Variants in ATAD3C observed in about 807,000 individuals in gnomAD.
The protein encoded by ATAD3C is ATPase family AAA domain containing 3C.
ATAD3C carries 38 observed loss-of-function variants against 46.3 expected under a neutral mutation model. The ratio of observed to expected loss-of-function variants is 0.82; its 90% confidence interval spans 0.63 to 1.08. The LOEUF is 1.08. Ranked by LOEUF, ATAD3C falls within the 50% of genes least tolerant of loss-of-function variation. The pLI is 0.00. For synonymous variants in ATAD3C, 220 were observed against 236.4 expected (o/e 0.93, Z 0.63); for missense variants, 563 against 572.7 (o/e 0.98, Z 0.17).
In ATAD3C at chr1:1,455,934, A is replaced by C; in HGVS notation, c.564+18A>C. Reference sequence around the variant, plus strand: ...TTGCCAAGGTGAGAGTGCCTAGCTGAACAGGTGGGCCAGGGGCCGCTGGGG... The same window carrying C: ...TTGCCAAGGTGAGAGTGCCTAGCTGCACAGGTGGGCCAGGGGCCGCTGGGG... On this transcript the variant is annotated intron_variant, in intron 6 of 11. Coordinates refer to ENST00000378785, the MANE Select transcript of ATAD3C (RefSeq NM_001039211.3). 6.2e-7 allele frequency: 1 copy of C among 1,612,438 alleles called. No individual in the cohort carries two copies. The highest frequency in any genetic ancestry group is 8.5e-7 in the Non-Finnish European group (1 of 1,179,566).
chr1:1,467,023 C>T (rs1376060858), intron 11 of ATAD3C, among the ~76,000 whole-genome samples: 1 of 151,952 alleles, frequency 6.6e-6, no homozygotes, highest in East Asian at 1.9e-4. Flanking sequence ...TTTAGGTTCC[C>T]AGAAAAGTTG....
At chr1:1,457,092 T>G (rs1193936052) in intron 7 of ATAD3C, 37 bp from the exon 8 acceptor site, 1 of 1,612,150 alleles carries the variant, frequency 6.2e-7, no homozygotes, top group East Asian at 2.2e-5. Flanking sequence ...GCTCCTGGCA[T>G]CACTCTCACC....
At chr1:1,468,086 C>T (rs1038218035) in intron 11 of ATAD3C, among the ~76,000 whole-genome samples, 2 of 151,872 alleles carry the variant, frequency 1.3e-5, no homozygotes, top group African/African-American at 2.4e-5. Context: ...CAGTTCCCAC[C>T]TGCCTCTGGG....
intron 11 of ATAD3C, 146 bp from the exon 12 acceptor site, chr1:1,468,238 T>C (rs1233983911): frequency 2.9e-5 from 39 of 1,345,906 alleles, no homozygotes; most frequent in East Asian, 1.1e-4. Context: ...CGTGCTGGGC[T>C]CTGCCGAGGT....
In ATAD3C at chr1:1,455,835, G is replaced by C; in HGVS notation, c.483G>C (p.Arg161Ser). 1 of 1,613,522 alleles carries C rather than the reference G, an allele frequency of 6.2e-7. No homozygotes were observed. Among genetic ancestry groups the C allele is most frequent in the African/African-American group, 1.3e-5 (1 of 75,030 alleles). Residue 161 changes from arginine to serine, a missense_variant, in exon 6 of 12, where the codon AGG becomes AGC. By Grantham distance (110) the Arg-to-Ser change is moderately radical. Coordinates refer to ENST00000378785, the MANE Select transcript of ATAD3C (RefSeq NM_001039211.3). ...TGCGCGACATCGCCATAATGACAAG[G>C]AACATCAAGAAGAACCGGGGCCTGT... is the stretch of plus-strand genomic sequence containing the variant. The part of the protein sequence containing the change: ...ARVRDIAIMT[R>S]NIKKNRGLYR...
At position 1,462,988 on chromosome 1, in the gene ATAD3C, G is replaced by A. The variant is rs1018486735; in HGVS notation, c.1089+280G>A. On this transcript the variant is annotated intron_variant, in intron 11 of 11. Coordinates refer to ENST00000378785, the MANE Select transcript of ATAD3C (RefSeq NM_001039211.3). This position sits in a 1 kb window ranked among gnomAD's most constrained non-coding sequence, Gnocchi z 4.5. ...TAGCCCGGGCTCTGCCAGGTGGGGC[G>A]GGAGGCTTCTGATGCTCACCTTGGC... 2.0e-5 allele frequency among the ~76,000 whole-genome samples: 3 copies of A among 152,122 alleles called. No homozygotes were observed. The highest frequency in any genetic ancestry group is 1.9e-4 in the East Asian group (1 of 5,198).
intron 1 of ATAD3C, among the ~76,000 whole-genome samples, chr1:1,451,316 G>A (rs562609069): frequency 6.6e-5 from 10 of 151,220 alleles, no homozygotes; most frequent in East Asian, 3.9e-4. Context: ...GATTACAGGC[G>A]TGAGCCACCG....
Position 1,459,009 on chromosome 1 carries a change from G to A in ATAD3C, c.742-152G>A, listed in dbSNP as rs952757163. ...ATCCAGGTTACATTCGTGAGTCACC[G>A]CCCCTGGCCCTGGTCAGGCTTTTGA... is the stretch of plus-strand genomic sequence containing the variant. On this transcript the variant is annotated intron_variant, in intron 8 of 11. Coordinates refer to ENST00000378785, the MANE Select transcript of ATAD3C (RefSeq NM_001039211.3). This position sits in a 1 kb window ranked among gnomAD's most constrained non-coding sequence, Gnocchi z 4.9. 1.3e-5 allele frequency among the ~76,000 whole-genome samples: 2 copies of A among 151,896 alleles called. No individual in the cohort carries two copies. Among genetic ancestry groups the A allele is most frequent in the African/African-American group, 2.4e-5 (1 of 41,338 alleles).
intron 11 of ATAD3C, among the ~76,000 whole-genome samples, chr1:1,465,328 A>G (rs1442458978): frequency 6.6e-6 from 1 of 151,516 alleles, no homozygotes; most frequent in Non-Finnish European, 1.5e-5. Context: ...GCGGTGGCTC[A>G]TGCCTTTAAT....
intron 6 of ATAD3C, 133 bp downstream of exon 6, chr1:1,456,049 T>G: frequency 2.0e-6 from 3 of 1,492,382 alleles, no homozygotes; most frequent in Non-Finnish European, 2.7e-6. Flanking sequence ...AGGCTCAGGG[T>G]GCTGGTGTGG....
At chr1:1,460,022 CAG>C (rs745396712) in intron 9 of ATAD3C, among the ~76,000 whole-genome samples, 36,337 of 151,118 alleles carry the variant, frequency 0.24, 8,541 homozygotes, top group East Asian at 0.6. Context: ...GCTGAGCCTC[CAG>C]TGAACCCGGG....
At position 1,451,944 on chromosome 1, in the gene ATAD3C, G is replaced by A. The variant is rs931157250; in HGVS notation, c.76-102G>A. On this transcript the variant is annotated intron_variant, in intron 1 of 11. Transcript: ENST00000378785. Reference sequence around the variant, plus strand: ...CTGCAGGTCCCCAGGTGCCCGGGACGCTTGGAGCCCTGCGGTCCTGGGGCG... The same window carrying A: ...CTGCAGGTCCCCAGGTGCCCGGGACACTTGGAGCCCTGCGGTCCTGGGGCG... 5.9e-5 allele frequency: 90 copies of A among 1,519,994 alleles called. 3 individuals carry two copies. Among genetic ancestry groups the A allele is most frequent in the South Asian group, 5.2e-4 (42 of 80,044 alleles). 94.2% of individuals were successfully genotyped at this position (1,519,994 alleles called of 1,614,324 possible).
Position 1,450,737 on chromosome 1 carries a change from G to C in ATAD3C, c.54G>C (p.Leu18Phe), listed in dbSNP as rs1638840218. ...LAQMQEQTLQ[L>F]EQQSKLKQLV... ...AGATGCAGGAGCAGACGCTGCAGTT[G>C]GAGCAACAGTCCAAGCTCAAAGTGA... The change falls in exon 1 of 12, where the codon TTG becomes TTC. Residue 18 changes from leucine (L) to phenylalanine (F), a missense_variant. Physicochemically the swap from Leu to Phe is conservative, Grantham distance 22 (BLOSUM62 0). Coordinates refer to ENST00000378785, the MANE Select transcript of ATAD3C (RefSeq NM_001039211.3). The C allele has an allele frequency of 6.2e-7, 1 of 1,613,178 alleles. No individual in the cohort carries two copies. The highest frequency in any genetic ancestry group is 8.5e-7 in the Non-Finnish European group (1 of 1,179,584).
chr1:1,457,996 T>C (rs566548618), intron 8 of ATAD3C, among the ~76,000 whole-genome samples: 14 of 151,980 alleles, frequency 9.2e-5, no homozygotes, highest in African/African-American at 3.4e-4. Flanking sequence ...TTTATTTATT[T>C]GAGACAAAGT....
rs1164720451 is a variant in ATAD3C, at chr1:1,464,685, C to T, written c.1089+1977C>T. Among the ~76,000 whole-genome samples, 12 of 151,916 alleles carry T rather than the reference C, an allele frequency of 7.9e-5. No homozygotes were observed. The East Asian group carries it at 1.9e-3, about 24-fold the overall frequency. On this transcript the variant is annotated intron_variant, in intron 11 of 11. Coordinates refer to ENST00000378785, the MANE Select transcript of ATAD3C (RefSeq NM_001039211.3). Reference sequence around the variant, plus strand: ...ACTCAGGAGGCTGAGGCATGAGAATCACTTGAACCCTGGAGGCGGAGGTTC... The same window carrying T: ...ACTCAGGAGGCTGAGGCATGAGAATTACTTGAACCCTGGAGGCGGAGGTTC...
At chr1:1,452,255 C>A (rs967257003) in intron 2 of ATAD3C, 110 bp from the exon 3 acceptor site, 19 of 1,587,308 alleles carry the variant, frequency 1.2e-5, no homozygotes, top group Non-Finnish European at 1.6e-5. Flanking sequence ...CACTGCCCCC[C>A]TGTCCTGGCA....
Position 1,456,150 on chromosome 1 carries a change from C to T in ATAD3C, c.565-75C>T, listed in dbSNP as rs1638957296. On this transcript the variant is annotated intron_variant, in intron 6 of 11. Coordinates refer to ENST00000378785, the MANE Select transcript of ATAD3C (RefSeq NM_001039211.3). ...AGGGACGCTGGGCAGAGCCTCCACA[C>T]TCCGGGTGGAGTGTGCAGGCTTTGC... 142 of 1,541,708 alleles carry T rather than the reference C, an allele frequency of 9.2e-5. 8 individuals carry two copies. The highest frequency in any genetic ancestry group is 1.2e-4 in the Non-Finnish European group (141 of 1,153,606).
At position 1,459,479 on chromosome 1, in the gene ATAD3C, C is replaced by T. The variant is rs557372840; in HGVS notation, c.812+248C>T. 1.2e-4 allele frequency among the ~76,000 whole-genome samples: 19 copies of T among 152,030 alleles called. No individual in the cohort carries two copies. The highest frequency in any genetic ancestry group is 5.8e-4 in the East Asian group (3 of 5,180). On this transcript the variant is annotated intron_variant, in intron 9 of 11. Transcript: ENST00000378785. This position sits in a 1 kb window ranked among gnomAD's most constrained non-coding sequence, Gnocchi z 4.9. ...CTGTCCTCACGGCCCTGTGCACCGC[C>T]GCCCCAGCTTGCAGGTCCCTCTGCC... is the stretch of plus-strand genomic sequence containing the variant.
intron 8 of ATAD3C, among the ~76,000 whole-genome samples, chr1:1,458,733 T>G (rs1557779142): frequency 6.6e-6 from 1 of 150,720 alleles, no homozygotes; most frequent in Non-Finnish European, 1.5e-5. Context: ...AGGGTTTGTT[T>G]TTTTTTTTTG....
Sources: gnomAD v4.1 joint callset for allele counts (sites outside exome capture counted in the v4.1 genomes callset) on GRCh38, gnomAD v4.1.1 for gene constraint, Gnocchi (gnomAD v3.1) non-coding constraint, MANE v1.5 for transcripts, NCBI Gene and HGNC (gene_info 2026-07-23, HGNC 2026-07-21) for gene names.